The following AGAP1 variants were observed in gnomAD, a reference collection of about 807,000 sequenced individuals.
AGAP1 encodes ArfGAP with GTPase domain, ankyrin repeat and PH domain 1, also known as arf-GAP with GTPase, ANK repeat and PH domain-containing protein 1.
A neutral mutation model predicts 105.3 loss-of-function variants in AGAP1; 29 were observed. The observed-to-expected ratio is 0.28, with a 90% CI of 0.21 to 0.38. AGAP1 has a LOEUF of 0.38. Ranked by LOEUF, AGAP1 falls within the 10% of genes least tolerant of loss-of-function variation. AGAP1 has a pLI of 1.00. For missense variants in AGAP1, 998 were observed against 1,165.1 expected, an observed-to-expected ratio of 0.86 and a Z score of 2.09; for synonymous variants, 509 against 485.9, an observed-to-expected ratio of 1.05 and a Z score of -0.63.
chr2:235,591,386 A>G (rs1031851547), intron 1 of AGAP1, among the ~76,000 whole-genome samples: 72 of 152,260 alleles, frequency 4.7e-4, no homozygotes, highest in African/African-American at 1.6e-3. Flanking sequence ...GTGGGAAGCA[A>G]TGTGCTGCCC....
chr2:235,969,629 A>G (rs2054558946), intron 13 of AGAP1, among the ~76,000 whole-genome samples: 1 of 152,174 alleles, frequency 6.6e-6, no homozygotes, highest in Non-Finnish European at 1.5e-5. Flanking sequence ...GACAGTGGCT[A>G]CATTAGAGGG....
At chr2:235,822,488 AAGCTCAAGAATGAAGAGAAGCTGGAGC>A (rs1559529137) in intron 9 of AGAP1, among the ~76,000 whole-genome samples, 2 of 151,842 alleles carry the variant, frequency 1.3e-5, no homozygotes, top group African/African-American at 2.4e-5. Flanking sequence ...AGAGCTGGAG[AAGCTCAAGAATGAAGAGAAGCTGGAGC>A]AGCTCAAGAA....
intron 1 of AGAP1, among the ~76,000 whole-genome samples, chr2:235,699,194 G>T (rs1950140869): frequency 6.6e-6 from 1 of 152,134 alleles, no homozygotes; most frequent in Non-Finnish European, 1.5e-5. Context: ...CTACTTTGGT[G>T]GGGTGTTACT....
At chr2:235,591,804 A>T (rs544434815) in intron 1 of AGAP1, among the ~76,000 whole-genome samples, 73 of 152,204 alleles carry the variant, frequency 4.8e-4, no homozygotes, top group African/African-American at 1.7e-3. Context: ...AACAGTATAC[A>T]GTATTAGGTG....
chr2:236,066,799 C>G (rs1359660712), intron 16 of AGAP1, among the ~76,000 whole-genome samples: 1 of 152,162 alleles, frequency 6.6e-6, no homozygotes, highest in Admixed American at 6.5e-5. Flanking sequence ...CCCTGTCCCC[C>G]CTCCTGTTTA....
At chr2:235,708,699 A>G (rs1041189175) in intron 1 of AGAP1, among the ~76,000 whole-genome samples, 9 of 152,196 alleles carry the variant, frequency 5.9e-5, no homozygotes, top group Non-Finnish European at 1.0e-4. Context: ...TTCAAATTCA[A>G]TCATACTTTT....
At position 235,930,826 on chromosome 2, in the gene AGAP1, C is replaced by A. The variant is rs750546538; in HGVS notation, c.1386C>A (p.Asn462Lys). Residue 462 changes from asparagine to lysine, a missense_variant, in exon 12 of 18, where the codon AAC becomes AAA. Transcript: ENST00000304032. This position sits in a 1 kb window ranked among gnomAD's most constrained non-coding sequence, Gnocchi z 7.9. ...GCGGCATCAGCCTGGTCTCCTTCAA[C>A]AGCCGACCCGACGGCATGCACCAGC... The part of the protein sequence containing the change: ...MASGISLVSF[N>K]SRPDGMHQRS... The A allele has an allele frequency of 1.2e-6, 2 of 1,614,164 alleles. No homozygotes were observed. Among genetic ancestry groups the A allele is most frequent in the Admixed American group, 1.7e-5 (1 of 60,026 alleles).
chr2:235,605,206 A>G (rs975317405), intron 1 of AGAP1, among the ~76,000 whole-genome samples: 1 of 152,240 alleles, frequency 6.6e-6, no homozygotes, highest in South Asian at 2.1e-4. Flanking sequence ...ATAACATTTA[A>G]TAGTAATAAA....
At chr2:236,021,456 C>T (rs1017254398) in intron 13 of AGAP1, among the ~76,000 whole-genome samples, 3 of 152,212 alleles carry the variant, frequency 2.0e-5, no homozygotes, top group Non-Finnish European at 2.9e-5. Context: ...GCCTGCCCAA[C>T]ATGGCCGTGC....
rs114146687 is a variant in AGAP1, at chr2:235,893,304, C to T, written c.1155+9855C>T. Reference sequence around the variant, plus strand: ...TAGCGTGGGTGTAGCGTGTCTGTGGCGCAGGTGTGCCGTGTCTGTGGCATG... The same window carrying T: ...TAGCGTGGGTGTAGCGTGTCTGTGGTGCAGGTGTGCCGTGTCTGTGGCATG... On this transcript the variant is annotated intron_variant, in intron 10 of 17. Transcript: ENST00000304032. The surrounding 1 kb of genome is among the most constrained non-coding windows in gnomAD (Gnocchi z 4.7). Among the ~76,000 whole-genome samples the T allele has an allele frequency of 0.017, 2,435 of 145,250 alleles. 74 individuals are homozygous for T. The highest frequency in any genetic ancestry group is 0.059 in the African/African-American group (2,266 of 38,606).
intron 11 of AGAP1, among the ~76,000 whole-genome samples, chr2:235,913,278 A>G (rs1417158713): frequency 2.0e-5 from 3 of 152,122 alleles, no homozygotes; most frequent in African/African-American, 7.2e-5. Flanking sequence ...GTGTGTGAAT[A>G]TATGTATATG....
intron 1 of AGAP1, among the ~76,000 whole-genome samples, chr2:235,595,491 G>A (rs1424273464): frequency 3.3e-5 from 5 of 152,188 alleles, no homozygotes; most frequent in African/African-American, 1.2e-4. Flanking sequence ...TGATAAACAC[G>A]TATAGCACTT....
chr2:236,029,192 T>TG (rs1553549901), intron 13 of AGAP1, among the ~76,000 whole-genome samples: 1 of 151,958 alleles, frequency 6.6e-6, no homozygotes, highest in African/African-American at 2.4e-5. Flanking sequence ...AGTTTTTTTT[T>TG]TTTGTTTACA....
chr2:235,766,124 A>G (rs759900578), intron 6 of AGAP1, among the ~76,000 whole-genome samples: 2 of 152,222 alleles, frequency 1.3e-5, no homozygotes, highest in African/African-American at 2.4e-5. Context: ...CTTGGTAGTG[A>G]GCTAAAATAA....
intron 16 of AGAP1, among the ~76,000 whole-genome samples, chr2:236,081,091 A>G (rs1490616369): frequency 6.6e-6 from 1 of 152,054 alleles, no homozygotes; most frequent in African/African-American, 2.4e-5. Flanking sequence ...TCAAACCCCC[A>G]TGACAGTCAC....
chr2:236,073,598 T>C lies in AGAP1; in HGVS notation c.2114+24317T>C, dbSNP rs2058560401. 6.6e-6 allele frequency among the ~76,000 whole-genome samples: 1 copy of C among 152,132 alleles called. No homozygotes were observed. Among genetic ancestry groups the C allele is most frequent in the South Asian group, 2.1e-4 (1 of 4,826 alleles). ...TTTGACAAGGACCTTGTAATGATGC[T>C]CACATAGAAGATAATTTATAAATAC... is the stretch of plus-strand genomic sequence containing the variant. On this transcript the variant is annotated intron_variant, in intron 16 of 17. Coordinates refer to ENST00000304032, the MANE Select transcript of AGAP1 (RefSeq NM_001037131.3). This position sits in a 1 kb window ranked among gnomAD's most constrained non-coding sequence, Gnocchi z 5.4.
At position 236,095,811 on chromosome 2, in the gene AGAP1, G is replaced by T. The variant is rs2125886394; in HGVS notation, c.2115-24381G>T. Among the ~76,000 whole-genome samples, 1 of 152,306 alleles carries T rather than the reference G, an allele frequency of 6.6e-6. No homozygotes were observed. The highest frequency in any genetic ancestry group is 1.5e-5 in the Non-Finnish European group (1 of 68,030). ...TGCACAGAGATAGTCCCTAAGAGCTGGCCAACTTCCACGATCATTATATTT... is the reference window on the plus strand; with the variant it reads ...TGCACAGAGATAGTCCCTAAGAGCTTGCCAACTTCCACGATCATTATATTT... On this transcript the variant is annotated intron_variant, in intron 16 of 17. Coordinates refer to ENST00000304032, the MANE Select transcript of AGAP1 (RefSeq NM_001037131.3). This position sits in a 1 kb window ranked among gnomAD's most constrained non-coding sequence, Gnocchi z 4.1.
Position 235,976,510 on chromosome 2 carries a change from G to A in AGAP1, c.1645+7887G>A, listed in dbSNP as rs2054865350. Reference sequence around the variant, plus strand: ...CATCGTGATGAACCGACGCACAGAAGGATGTTTGTAGTGTGGTTTTTGTTT... The same window carrying A: ...CATCGTGATGAACCGACGCACAGAAAGATGTTTGTAGTGTGGTTTTTGTTT... On this transcript the variant is annotated intron_variant, in intron 13 of 17. Coordinates refer to ENST00000304032, the MANE Select transcript of AGAP1 (RefSeq NM_001037131.3). This position sits in a 1 kb window ranked among gnomAD's most constrained non-coding sequence, Gnocchi z 4.5. Among the ~76,000 whole-genome samples, 1 of 152,216 alleles carries A rather than the reference G, an allele frequency of 6.6e-6. No individual in the cohort carries two copies. The highest frequency in any genetic ancestry group is 2.1e-4 in the South Asian group (1 of 4,828).
chr2:235,824,348 T>G lies in AGAP1; in HGVS notation c.1050+17017T>G, dbSNP rs74996633. Among the ~76,000 whole-genome samples, 1 of 152,220 alleles carries G rather than the reference T, an allele frequency of 6.6e-6. No individual in the cohort carries two copies. Among genetic ancestry groups the G allele is most frequent in the Admixed American group, 6.5e-5 (1 of 15,284 alleles). Reference sequence around the variant, plus strand: ...TTAGTTGATTACTAGTTCTTTAAAATGTACTGTACTCACTGTGGGTCTTGC... The same window carrying G: ...TTAGTTGATTACTAGTTCTTTAAAAGGTACTGTACTCACTGTGGGTCTTGC... On this transcript the variant is annotated intron_variant, in intron 9 of 17. Coordinates refer to ENST00000304032, the MANE Select transcript of AGAP1 (RefSeq NM_001037131.3). This position sits in a 1 kb window ranked among gnomAD's most constrained non-coding sequence, Gnocchi z 5.2.
Sources: allele counts gnomAD v4.1 joint callset (sites outside exome capture counted in the v4.1 genomes callset), GRCh38; gene constraint gnomAD v4.1.1; non-coding constraint Gnocchi (gnomAD v3.1); transcripts MANE v1.5; gene names NCBI Gene and HGNC (gene_info 2026-07-23, HGNC 2026-07-21).